Variants in MTFP1 observed in about 807,000 individuals in gnomAD.
MTFP1 encodes mitochondrial fission process 1.
Under a neutral mutation model 17.1 loss-of-function variants are expected in MTFP1, and 19 were observed. The ratio of observed to expected loss-of-function variants is 1.11; its 90% CI spans 0.77 to 1.63. The LOEUF is 1.63. MTFP1 is among the 40% of genes most tolerant of loss of function. The probability of loss-of-function intolerance (pLI) is 0.00; values close to 1 mark genes in which losing one functional copy is unlikely to be tolerated. For synonymous variants in MTFP1, 89 were observed against 95.2 expected, an observed-to-expected ratio of 0.93 and a Z score of 0.38; for missense variants, 221 against 226.2, an observed-to-expected ratio of 0.98 and a Z score of 0.15.
At chr22:30,426,092 G>GCAAGTCC in intron 1 of MTFP1, 146 bp downstream of exon 1, 1 of 864,974 alleles carries the variant, frequency 1.2e-6, no homozygotes, top group Non-Finnish European at 1.7e-6. Flanking sequence ...CTCAGACAGG[G>GCAAGTCC]CTAGGGACTT....
chr22:30,428,613 C>A lies in MTFP1; in HGVS notation c.*79C>A, dbSNP rs1345537756. On this transcript the variant is annotated 3_prime_UTR_variant, in exon 4 of 4. Coordinates refer to ENST00000266263, the MANE Select transcript of MTFP1 (RefSeq NM_016498.5). Reference sequence around the variant, plus strand: ...TACTCCTGCCAGGGAATGTGGACACCTGGCTCCCTGGTGTCCAAAGACCCT... The same window carrying A: ...TACTCCTGCCAGGGAATGTGGACACATGGCTCCCTGGTGTCCAAAGACCCT... The A allele has an allele frequency of 1.2e-6, 2 of 1,614,212 alleles. No homozygotes were observed. Among genetic ancestry groups the A allele is most frequent in the Non-Finnish European group, 1.7e-6 (2 of 1,180,038 alleles).
rs73390250 is a variant in MTFP1, at chr22:30,427,754, C to T, written c.428+351C>T. Among the ~76,000 whole-genome samples, 1,041 of 152,264 alleles carry T rather than the reference C, an allele frequency of 6.8e-3. 11 individuals are homozygous for T. The highest frequency in any genetic ancestry group is 0.023 in the African/African-American group (959 of 41,528). On this transcript the variant is annotated intron_variant, in intron 3 of 3. Transcript: ENST00000266263. ...TTTTGGGAGGTATTGGTGACAGAAG[C>T]CTAACTCAAACTGAATATTTGAATA...
Position 30,428,817 on chromosome 22 carries a change from T to A in MTFP1, c.*283T>A. 1 of 728,338 alleles carries A rather than the reference T, an allele frequency of 1.4e-6. No homozygotes were observed. 45.1% of individuals were successfully genotyped at this position (728,338 alleles called of 1,614,324 possible). A position where few individuals can be genotyped will look rare whatever the true frequency, so the allele number is the denominator to read the frequency against. On this transcript the variant is annotated 3_prime_UTR_variant, in exon 4 of 4. Transcript: ENST00000266263. ...CCCTGTCTTTTTCAGGAAAATTACATCCTCCCATGGAGGATGAGAGACTGA... is the reference window on the plus strand; with the variant it reads ...CCCTGTCTTTTTCAGGAAAATTACAACCTCCCATGGAGGATGAGAGACTGA...
rs775306047 is a variant in MTFP1, at chr22:30,428,637, C to T, written c.*103C>T. The T allele has an allele frequency of 6.2e-7, 1 of 1,614,168 alleles. No individual in the cohort carries two copies. Among genetic ancestry groups the T allele is most frequent in the South Asian group, 1.1e-5 (1 of 91,088 alleles). On this transcript the variant is annotated 3_prime_UTR_variant, in exon 4 of 4. Transcript: ENST00000266263. ...CCTGGCTCCCTGGTGTCCAAAGACC[C>T]TGGCACCTGGGTGGGTTTGAGCTGG...
rs756198913 is a variant in MTFP1 at position 30,426,771 on chromosome 22, T to A, written c.122T>A (p.Val41Glu). 6 of 1,613,928 alleles carry A rather than the reference T, an allele frequency of 3.7e-6. No homozygotes were observed. Among genetic ancestry groups the A allele is most frequent in the Admixed American group, 1.7e-5 (1 of 60,020 alleles). The change falls in exon 2 of 4, where the codon GTG (valine) becomes GAG (glutamate). Residue 41 changes from valine to glutamate, a missense_variant. Transcript: ENST00000266263. ...AFRSLVPAAV[V>E]WLSYGVASSY... ...CGCTCTCTTGTGCCAGCGGCGGTGG[T>A]GTGGCTGAGCTATGGCGTGGCCAGC...
At chr22:30,426,561 C>G (rs1454431808) in intron 1 of MTFP1, among the ~76,000 whole-genome samples, 156 bp from the exon 2 acceptor site, 2 of 152,208 alleles carry the variant, frequency 1.3e-5, no homozygotes, top group Admixed American at 6.5e-5. Context: ...CATCATGGCA[C>G]CAGTTTACAT....
At position 30,425,774 on chromosome 22, in the gene MTFP1, C is replaced by T. The variant is rs1046890467; in HGVS notation, c.-106C>T. 9 of 1,200,576 alleles carry T rather than the reference C, an allele frequency of 7.5e-6. No homozygotes were observed. In the Admixed American group the frequency reaches 1.2e-4, roughly 16 times the overall value. 74.4% of individuals were successfully genotyped at this position (1,200,576 alleles called of 1,614,324 possible). A position where few individuals can be genotyped will look rare whatever the true frequency, so the allele number is the denominator to read the frequency against. On this transcript the variant is annotated 5_prime_UTR_variant, in exon 1 of 4. Coordinates refer to ENST00000266263, the MANE Select transcript of MTFP1 (RefSeq NM_016498.5). ...GGAGATTTCCTGACCTGTCCTTCGG[C>T]GCGGGACTTTCGGCGGGTCCCGGCC...
rs1601797401 is a variant in MTFP1, at chr22:30,429,001, A to C, written c.*467A>C. ...AGGAGTGCAGTACCAGGGACACCTC[A>C]GGACAGATTCTCTGGCCAGGCCCTT... On this transcript the variant is annotated 3_prime_UTR_variant, in exon 4 of 4. Transcript: ENST00000266263. 2.8e-6 allele frequency: 1 copy of C among 358,842 alleles called. No homozygotes were observed. The highest frequency in any genetic ancestry group is 6.5e-5 in the East Asian group (1 of 15,404). 22.2% of individuals were successfully genotyped at this position (358,842 alleles called of 1,614,324 possible).
In MTFP1 at chr22:30,428,742, T is replaced by C; in HGVS notation, c.*208T>C. 1 of 1,469,362 alleles carries C rather than the reference T, an allele frequency of 6.8e-7. No individual in the cohort carries two copies. 91.0% of individuals were successfully genotyped at this position (1,469,362 alleles called of 1,614,324 possible). On this transcript the variant is annotated 3_prime_UTR_variant, in exon 4 of 4. Coordinates refer to ENST00000266263, the MANE Select transcript of MTFP1 (RefSeq NM_016498.5). ...AGGGCAGGACCTGAACGCTGTCTGCTTCCCTGGAATCCAAGATGCTGAGTG... is the reference window on the plus strand; with the variant it reads ...AGGGCAGGACCTGAACGCTGTCTGCCTCCCTGGAATCCAAGATGCTGAGTG...
At position 30,429,030 on chromosome 22, in the gene MTFP1, T is replaced by G. The variant is rs140697344; in HGVS notation, c.*496T>G. ...CAGATTCTCTGGCCAGGCCCTTCCC[T>G]GACCCAATAAATCCTGAAGAGGTTG... On this transcript the variant is annotated 3_prime_UTR_variant, in exon 4 of 4. Transcript: ENST00000266263. 1 of 282,082 alleles carries G rather than the reference T, an allele frequency of 3.5e-6. No individual in the cohort carries two copies. Among genetic ancestry groups the G allele is most frequent in the African/African-American group, 2.2e-5 (1 of 45,834 alleles). The allele number at this position is 282,082 out of a possible 1,614,324, so 17.5% of individuals were successfully genotyped here. A position where few individuals can be genotyped will look rare whatever the true frequency, so the allele number is the denominator to read the frequency against.
chr22:30,426,559 C>T (rs1195157534), intron 1 of MTFP1, among the ~76,000 whole-genome samples, 158 bp from the exon 2 acceptor site: 2 of 152,198 alleles, frequency 1.3e-5, no homozygotes, highest in African/African-American at 2.4e-5. Context: ...GGCATCATGG[C>T]ACCAGTTTAC....
chr22:30,427,412 C>T lies in MTFP1; in HGVS notation c.428+9C>T, dbSNP rs1478493227. On this transcript the variant is annotated intron_variant, in intron 3 of 3. Transcript: ENST00000266263. ...ATCCACCCCATTGACAGGTGGGTAC[C>T]TTCTTGGCCTCAGGGATCATCCACT... 1.9e-6 allele frequency: 3 copies of T among 1,609,434 alleles called. No individual in the cohort carries two copies. Among genetic ancestry groups the T allele is most frequent in the African/African-American group, 2.7e-5 (2 of 74,790 alleles).
chr22:30,426,743 T>A lies in MTFP1; in HGVS notation c.94T>A (p.Phe32Ile). 6.2e-7 allele frequency: 1 copy of A among 1,614,112 alleles called. No homozygotes were observed. The highest frequency in any genetic ancestry group is 2.2e-5 in the East Asian group (1 of 44,878). Residue 32 changes from phenylalanine to isoleucine, a missense_variant, in exon 2 of 4, where the codon TTC becomes ATC. By Grantham distance (21) the Phe-to-Ile change is conservative. Coordinates refer to ENST00000266263, the MANE Select transcript of MTFP1 (RefSeq NM_016498.5). The stretch of plus-strand genomic sequence containing the variant: ...CTATGCCAATGAGGTGGGCGAGGCT[T>A]TCCGCTCTCTTGTGCCAGCGGCGGT... ...LGYANEVGEAFRSLVPAAVVW... is the reference protein window; with the variant it reads ...LGYANEVGEAIRSLVPAAVVW...
chr22:30,426,150 A>G (rs1419700669), intron 1 of MTFP1, among the ~76,000 whole-genome samples: 4 of 152,154 alleles, frequency 2.6e-5, no homozygotes, highest in Non-Finnish European at 5.9e-5. Flanking sequence ...GGAAGCTCCC[A>G]TGGGGTGAGC....
rs1463084359 is a variant in MTFP1, at chr22:30,425,937, C to T, written c.58C>T (p.Arg20Ter). The T allele has an allele frequency of 6.6e-7, 1 of 1,526,370 alleles. No homozygotes were observed. Among genetic ancestry groups the T allele is most frequent in the South Asian group, 1.2e-5 (1 of 82,116 alleles). 94.6% of individuals were successfully genotyped at this position (1,526,370 alleles called of 1,614,324 possible). A position where few individuals can be genotyped will look rare whatever the true frequency, so the allele number is the denominator to read the frequency against. Residue 20 changes from arginine to a stop codon, truncating the protein, a stop_gained, in exon 1 of 4, where the codon CGA (arginine) becomes TGA (stop). Coordinates refer to ENST00000266263, the MANE Select transcript of MTFP1 (RefSeq NM_016498.5). LOFTEE classifies it high-confidence loss of function. ...ERDLYRDTWVRYLGYANEVGE... is the reference protein window; with the variant it reads ...ERDLYRDTWV ...CGATCTCTACCGGGACACGTGGGTGCGATACCTGGGTGAGCGCGGGGCGAC... is the reference window on the plus strand; with the variant it reads ...CGATCTCTACCGGGACACGTGGGTGTGATACCTGGGTGAGCGCGGGGCGAC...
chr22:30,426,109 G>C (rs1296328348), intron 1 of MTFP1, among the ~76,000 whole-genome samples, 163 bp downstream of exon 1: 1 of 152,198 alleles, frequency 6.6e-6, no homozygotes, highest in African/African-American at 2.4e-5. Flanking sequence ...ACTTGCCCAA[G>C]GTCACACTAC....
intron 1 of MTFP1, among the ~76,000 whole-genome samples, chr22:30,426,252 C>A (rs1934666290): frequency 6.6e-6 from 1 of 152,124 alleles, no homozygotes; most frequent in Non-Finnish European, 1.5e-5. Flanking sequence ...TCTGTCTGAA[C>A]CTCAGTTTCC....
At chr22:30,426,908 G>A in intron 2 of MTFP1, 64 bp downstream of exon 2, 3 of 1,593,742 alleles carry the variant, frequency 1.9e-6, no homozygotes, top group Non-Finnish European at 1.7e-6. Flanking sequence ...TCAGTCCACA[G>A]CCTTGCATGT....
In MTFP1 at chr22:30,427,388, T is replaced by G; in HGVS notation, c.413T>G (p.Ile138Ser). The G allele has an allele frequency of 6.2e-7, 1 of 1,614,096 alleles. No homozygotes were observed. The highest frequency in any genetic ancestry group is 1.1e-5 in the South Asian group (1 of 91,074). The part of the protein sequence containing the change: ...ALGLLTIPII[I>S]HPIDRSVDFL... Reference sequence around the variant, plus strand: ...GGGCTGTTGACCATCCCCATCATTATCCACCCCATTGACAGGTGGGTACCT... The same window carrying G: ...GGGCTGTTGACCATCCCCATCATTAGCCACCCCATTGACAGGTGGGTACCT... The change falls in exon 3 of 4, where the codon ATC becomes AGC. Residue 138 changes from isoleucine (I) to serine (S), a missense_variant. By Grantham distance (142) the Ile-to-Ser change is moderately radical. Transcript: ENST00000266263.
Sources: gnomAD v4.1 joint callset for allele counts (sites outside exome capture counted in the v4.1 genomes callset) on GRCh38, gnomAD v4.1.1 for gene constraint, MANE v1.5 for transcripts, NCBI Gene and HGNC (gene_info 2026-07-23, HGNC 2026-07-21) for gene names.